The following OTOGL variants were observed in gnomAD, a reference collection of about 807,000 sequenced individuals.
The protein encoded by OTOGL is otogelin-like protein.
OTOGL carries 285 observed loss-of-function variants against 318.5 expected under a neutral mutation model. The observed-to-expected ratio is 0.89, with a 90% confidence interval of 0.81 to 0.99. The LOEUF (loss-of-function observed/expected upper bound fraction) is 0.99, where lower values mean the gene tolerates loss of function less well. OTOGL is among the 50% of genes least tolerant of loss of function. The pLI is 0.00. For missense variants in OTOGL, 2,899 were observed against 2,845.6 expected (o/e 1.02, Z -0.43); for synonymous variants, 987 against 936.5 (o/e 1.05, Z -0.99).
At chr12:80,251,284 T>C (rs1049666759) in intron 11 of OTOGL, among the ~76,000 whole-genome samples, 1 of 152,190 alleles carries the variant, frequency 6.6e-6, no homozygotes, top group African/African-American at 2.4e-5. Flanking sequence ...ATTTATTGTT[T>C]TTGTGGTGAT....
intron 53 of OTOGL, 72 bp from the exon 54 acceptor site, chr12:80,367,489 A>T: frequency 1.7e-6 from 2 of 1,188,208 alleles, no homozygotes; most frequent in Non-Finnish European, 2.3e-6. Flanking sequence ...AGACTCAAAT[A>T]TAAGTTCCAA....
chr12:80,148,834 A>C (rs1255011596), intron 1 of OTOGL, among the ~76,000 whole-genome samples: 1 of 152,116 alleles, frequency 6.6e-6, no homozygotes, highest in Non-Finnish European at 1.5e-5. Context: ...CCTTTCTTCC[A>C]GTTGATCGCA....
chr12:80,376,518 G>A (rs1448657439), intron 57 of OTOGL, among the ~76,000 whole-genome samples: 5 of 152,006 alleles, frequency 3.3e-5, no homozygotes, highest in Non-Finnish European at 7.4e-5. Context: ...CACATATTAA[G>A]ATATCATGAA....
At chr12:80,244,119 TG>T (rs1379538509) in intron 11 of OTOGL, among the ~76,000 whole-genome samples, 8 of 151,198 alleles carry the variant, frequency 5.3e-5, no homozygotes, top group Non-Finnish European at 1.5e-5. Context: ...CCACTAATGA[TG>T]GTATCTAAGA....
At chr12:80,305,494 G>A in intron 28 of OTOGL, 82 bp from the exon 29 acceptor site, 4 of 1,146,918 alleles carry the variant, frequency 3.5e-6, no homozygotes, top group Non-Finnish European at 4.4e-6. Context: ...TATTTGAAAT[G>A]TCTCAAAAGT....
rs545345355 is a variant in OTOGL at position 80,194,832 on chromosome 12, A to T, written c.-19-14581A>T. On this transcript the variant is annotated intron_variant, in intron 1 of 58. Coordinates refer to ENST00000547103, the MANE Select transcript of OTOGL (RefSeq NM_001378609.3). ...TAGAAATCAGAAAAGGGGCAAATAA[A>T]TACCAAACTGGAAACATTGTACAAG... 2.0e-5 allele frequency among the ~76,000 whole-genome samples: 3 copies of T among 152,342 alleles called. No homozygotes were observed. In the South Asian group the frequency reaches 6.2e-4, roughly 32 times the overall value.
intron 1 of OTOGL, among the ~76,000 whole-genome samples, chr12:80,155,278 T>A (rs1873042388): frequency 1.3e-5 from 2 of 152,332 alleles, no homozygotes; most frequent in Non-Finnish European, 2.9e-5. Context: ...AGTTTTAAAT[T>A]TTAATGAAGT....
At chr12:80,274,874 G>A (rs1391705719) in intron 24 of OTOGL, among the ~76,000 whole-genome samples, 3 of 151,930 alleles carry the variant, frequency 2.0e-5, no homozygotes, top group Admixed American at 6.6e-5. Flanking sequence ...GTGGCAGCAC[G>A]TCTGTTTACA....
At chr12:80,132,829 C>T (rs1303354893) in intron 1 of OTOGL, 1 of 152,106 alleles carries the variant, frequency 6.6e-6, no homozygotes. Context: ...TGCCCTGTTC[C>T]TCTCACCTGC....
intron 44 of OTOGL, among the ~76,000 whole-genome samples, chr12:80,350,490 C>A (rs1475665612): frequency 6.6e-6 from 1 of 152,134 alleles, no homozygotes; most frequent in East Asian, 1.9e-4. Flanking sequence ...TATTGTTTTC[C>A]ACAATGGCTG....
At chr12:80,126,927 A>G (rs921841394) in intron 1 of OTOGL, among the ~76,000 whole-genome samples, 57 of 152,112 alleles carry the variant, frequency 3.7e-4, no homozygotes, top group Non-Finnish European at 7.3e-4. Context: ...TTTTGAGCCT[A>G]CGTGTGTCTC....
At chr12:80,318,884 A>G (rs979578391) in intron 33 of OTOGL, among the ~76,000 whole-genome samples, 171 bp downstream of exon 33, 13 of 152,194 alleles carry the variant, frequency 8.5e-5, no homozygotes, top group African/African-American at 3.1e-4. Flanking sequence ...TCTTTTGTAT[A>G]CAAAATCATT....
intron 19 of OTOGL, among the ~76,000 whole-genome samples, chr12:80,264,571 C>G (rs1176965457): frequency 6.6e-6 from 1 of 152,296 alleles, no homozygotes; most frequent in East Asian, 1.9e-4. Flanking sequence ...GAAATGAGAT[C>G]ATTCCCAATT....
intron 1 of OTOGL, among the ~76,000 whole-genome samples, chr12:80,191,339 G>A (rs569620659): frequency 6.6e-6 from 1 of 152,292 alleles, no homozygotes. Context: ...TCGGGAGGCT[G>A]AGACAGGAGA....
chr12:80,306,818 A>T (rs12367648), intron 29 of OTOGL, among the ~76,000 whole-genome samples: 4,091 of 103,990 alleles, frequency 0.039, 188 homozygotes, highest in African/African-American at 0.14. Flanking sequence ...TATTATTATT[A>T]TTTTTTAATT....
chr12:80,118,660 G>A (rs1870307970), intron 1 of OTOGL, among the ~76,000 whole-genome samples: 1 of 152,104 alleles, frequency 6.6e-6, no homozygotes, highest in Non-Finnish European at 1.5e-5. Flanking sequence ...TATTTGGGTG[G>A]AGTTTTTTTC....
In OTOGL at chr12:80,313,580, C is replaced by T. The variant is rs374198258; in HGVS notation, c.3555C>T (p.Tyr1185=). 81 of 1,612,628 alleles carry T rather than the reference C, an allele frequency of 5.0e-5. No individual in the cohort carries two copies. Among genetic ancestry groups the T allele is most frequent in the Non-Finnish European group, 6.6e-5 (78 of 1,179,084 alleles). ...GCACTAGTATAGCTGCATATGCATA[C>T]AAGTGTTGTCAGGAAGGAATATCAA... ...CLCTSIAAYA[Y]KCCQEGISIH... is the part of the protein sequence containing the mutation. Residue 1185 remains tyrosine (Y), a synonymous_variant, in exon 31 of 59, where the codon TAC becomes TAT. Transcript: ENST00000547103.
rs1271145474 is a variant in OTOGL, at chr12:80,379,993, G to A, written c.*1945G>A. 6.6e-6 allele frequency: 1 copy of A among 152,030 alleles called. No individual in the cohort carries two copies. The highest frequency in any genetic ancestry group is 1.5e-5 in the Non-Finnish European group (1 of 67,932). 9.4% of individuals were successfully genotyped at this position (152,030 alleles called of 1,614,324 possible). ...AAGAGATCCCAAAACTTATTAGAAT[G>A]TGGCATATCATAAAGATGACTCTGA... On this transcript the variant is annotated 3_prime_UTR_variant, in exon 59 of 59. Transcript: ENST00000547103.
intron 1 of OTOGL, among the ~76,000 whole-genome samples, chr12:80,203,862 T>A (rs1366715010): frequency 6.6e-6 from 1 of 152,214 alleles, no homozygotes; most frequent in Non-Finnish European, 1.5e-5. Flanking sequence ...AAATATGAGA[T>A]GCCGTGAAGG....
Sources: gnomAD v4.1 joint callset for allele counts (sites outside exome capture counted in the v4.1 genomes callset) on GRCh38, gnomAD v4.1.1 for gene constraint, MANE v1.5 for transcripts, NCBI Gene and HGNC (gene_info 2026-07-23, HGNC 2026-07-21) for gene names.